Variants in FCRLA observed in about 807,000 individuals in gnomAD.
FCRLA encodes Fc receptor-like A.
Under a neutral mutation model 28.4 loss-of-function variants are expected in FCRLA, and 26 were observed. That is an observed-to-expected ratio of 0.91 (90% CI 0.67 to 1.27). The LOEUF (loss-of-function observed/expected upper bound fraction) is 1.27, where lower values mean the gene tolerates loss of function less well. FCRLA is among the 50% of genes most tolerant of loss of function. The pLI is 0.00. For missense variants in FCRLA, 422 were observed against 433.1 expected, an observed-to-expected ratio of 0.97 and a Z score of 0.23; for synonymous variants, 174 against 168.5, an observed-to-expected ratio of 1.03 and a Z score of -0.25.
intron 4 of FCRLA, among the ~76,000 whole-genome samples, chr1:161,712,466 A>G (rs1405760848): frequency 6.6e-6 from 1 of 152,122 alleles, no homozygotes; most frequent in Non-Finnish European, 1.5e-5. Flanking sequence ...GCTGCCCCAC[A>G]AGCCTTAGCA....
intron 1 of FCRLA, among the ~76,000 whole-genome samples, chr1:161,708,024 TAA>T (rs1682910054): frequency 6.6e-6 from 1 of 152,216 alleles, no homozygotes; most frequent in Non-Finnish European, 1.5e-5. Context: ...ACTCTGTATT[TAA>T]GAGTCCCAAA....
In FCRLA at chr1:161,707,329, C is replaced by T. The variant is rs762048598; in HGVS notation, c.65C>T (p.Ala22Val). 2 of 1,599,724 alleles carry T rather than the reference C, an allele frequency of 1.3e-6. No homozygotes were observed. Among genetic ancestry groups the T allele is most frequent in the Non-Finnish European group, 1.7e-6 (2 of 1,175,006 alleles). Residue 22 changes from alanine to valine, a missense_variant, in exon 1 of 5, where the codon GCC (alanine) becomes GTC (valine). By Grantham distance (64) the Ala-to-Val change is moderately conservative (BLOSUM62 0). Transcript: ENST00000236938. ...CTTTCCCTTGGTGTGCTCTGGGTGG[C>T]CCAGATGCTACTGGGTAAGTAAAAT... ...LYLSLGVLWV[A>V]QMLLAASFET...
At chr1:161,707,424 G>A (rs771092708) in intron 1 of FCRLA, 81 bp downstream of exon 1, 1 of 1,450,354 alleles carries the variant, frequency 6.9e-7, no homozygotes. Context: ...AAGAAACATG[G>A]ACTAATTCTG....
rs1393489310 is a variant in FCRLA at position 161,712,183 on chromosome 1, G to A, written c.749G>A (p.Trp250Ter). ...CEAATEDNQV[W>*]KQSPQLEIRV... is the part of the protein sequence containing the mutation. ...GCAGCCACTGAGGACAACCAAGTTT[G>A]GAAACAGAGCCCCCAGCTAGAGATC... Residue 250 changes from tryptophan (W) to a stop codon, truncating the protein, a stop_gained, in exon 4 of 5, where the codon TGG (tryptophan) becomes TAG (stop). Transcript: ENST00000236938. LOFTEE classifies it low-confidence loss of function (END_TRUNC). 1.9e-6 allele frequency: 3 copies of A among 1,613,988 alleles called. No homozygotes were observed. The highest frequency in any genetic ancestry group is 2.5e-6 in the Non-Finnish European group (3 of 1,179,936).
chr1:161,711,532 C>A, intron 3 of FCRLA, 58 bp downstream of exon 3: 1 of 1,550,660 alleles, frequency 6.4e-7, no homozygotes, highest in African/African-American at 1.4e-5. Flanking sequence ...ACAGGGAGCC[C>A]AAATTGTCTT....
intron 1 of FCRLA, chr1:161,710,383 G>C: frequency 8.2e-7 from 1 of 1,222,002 alleles, no homozygotes; most frequent in Non-Finnish European, 1.2e-6. Context: ...GGCACCCAGT[G>C]AACATTAGAA....
intron 1 of FCRLA, among the ~76,000 whole-genome samples, chr1:161,707,546 C>T (rs1329828477): frequency 6.6e-6 from 1 of 152,146 alleles, no homozygotes; most frequent in Non-Finnish European, 1.5e-5. Context: ...CTGAAAGTCC[C>T]CTCTGATCAT....
At chr1:161,711,839 GA>G in intron 3 of FCRLA, 94 bp from the exon 4 acceptor site, 1 of 1,407,824 alleles carries the variant, frequency 7.1e-7, no homozygotes, top group Non-Finnish European at 9.6e-7. Flanking sequence ...GGAAACAGGG[GA>G]AAGGAAGTAT....
chr1:161,711,255 C>A lies in FCRLA; in HGVS notation c.280C>A (p.Leu94Met). Reference protein sequence around the residue: ...GPAKPVFEGDLLVLRCQAWQD... With the variant: ...GPAKPVFEGDMLVLRCQAWQD... The stretch of plus-strand genomic sequence containing the variant: ...AGCCAAGCCAGTTTTTGAAGGGGAC[C>A]TGCTGGTTCTGCGCTGCCAGGCCTG... The change falls in exon 3 of 5, where the codon CTG (leucine) becomes ATG (methionine). Residue 94 changes from leucine to methionine, a missense_variant. Coordinates refer to ENST00000236938, the MANE Select transcript of FCRLA (RefSeq NM_032738.4). 6.2e-7 allele frequency: 1 copy of A among 1,614,178 alleles called. No individual in the cohort carries two copies. The highest frequency in any genetic ancestry group is 8.5e-7 in the Non-Finnish European group (1 of 1,180,024).
chr1:161,713,132 A>G lies in FCRLA; in HGVS notation c.832A>G (p.Lys278Glu), dbSNP rs1481756741. The G allele has an allele frequency of 1.2e-6, 2 of 1,614,102 alleles. No individual in the cohort carries two copies. The highest frequency in any genetic ancestry group is 4.5e-5 in the East Asian group (2 of 44,884). The change falls in exon 5 of 5, where the codon AAA becomes GAA. Residue 278 changes from lysine to glutamate, a missense_variant. Transcript: ENST00000236938. ...TCCCACATTGAATCCAGCTCCTCAGAAATCAGCTGCTCCAGGAACTGCTCC... is the reference window on the plus strand; with the variant it reads ...TCCCACATTGAATCCAGCTCCTCAGGAATCAGCTGCTCCAGGAACTGCTCC... ...APPTLNPAPQ[K>E]SAAPGTAPEE...
Position 161,713,596 on chromosome 1 carries a change from GC to G in FCRLA, c.*217del. 2.0e-6 allele frequency: 1 copy of G among 493,304 alleles called. No homozygotes were observed. Among genetic ancestry groups the G allele is most frequent in the Non-Finnish European group, 3.6e-6 (1 of 280,406 alleles). The allele number at this position is 493,304 out of a possible 1,614,324, so 30.6% of individuals were successfully genotyped here. A position where few individuals can be genotyped will look rare whatever the true frequency, so the allele number is the denominator to read the frequency against. The stretch of plus-strand genomic sequence containing the variant: ...TTCTCTCTTAACACAACAGAATTCT[GC>G]TGTCTAGATCAGGAATTTCTATCTG... On this transcript the variant is annotated 3_prime_UTR_variant, in exon 5 of 5. Coordinates refer to ENST00000236938, the MANE Select transcript of FCRLA (RefSeq NM_032738.4).
At position 161,710,320 on chromosome 1, in the gene FCRLA, G is replaced by C. The variant is rs551679185; in HGVS notation, c.80-440G>C. 4.0e-5 allele frequency: 27 copies of C among 675,692 alleles called. No homozygotes were observed. In the South Asian group the frequency reaches 4.3e-4, roughly 11 times the overall value. 41.9% of individuals were successfully genotyped at this position (675,692 alleles called of 1,614,324 possible). A position where few individuals can be genotyped will look rare whatever the true frequency, so the allele number is the denominator to read the frequency against. On this transcript the variant is annotated intron_variant, in intron 1 of 4. Coordinates refer to ENST00000236938, the MANE Select transcript of FCRLA (RefSeq NM_032738.4). The stretch of plus-strand genomic sequence containing the variant: ...AAAATGAGGATAAAGTCACCTACCT[G>C]GAAAGTTTGTGAGGATGAAGTTAGA...
At chr1:161,708,739 A>G (rs1032791141) in intron 1 of FCRLA, among the ~76,000 whole-genome samples, 1 of 152,202 alleles carries the variant, frequency 6.6e-6, no homozygotes, top group African/African-American at 2.4e-5. Context: ...GTACCCCTAA[A>G]GACTCAGCTT....
intron 1 of FCRLA, among the ~76,000 whole-genome samples, chr1:161,709,790 C>T (rs1475100646): frequency 6.6e-6 from 1 of 152,078 alleles, no homozygotes; most frequent in Non-Finnish European, 1.5e-5. Flanking sequence ...AATGTCACTT[C>T]CCTTGCCTAG....
chr1:161,709,928 G>C (rs1008101224), intron 1 of FCRLA, among the ~76,000 whole-genome samples: 4 of 152,150 alleles, frequency 2.6e-5, no homozygotes, highest in Non-Finnish European at 4.4e-5. Flanking sequence ...AAAAAAGACA[G>C]AGAAAGCTCT....
Position 161,710,467 on chromosome 1 carries a change from C to T in FCRLA, c.80-293C>T, listed in dbSNP as rs773563201. Reference sequence around the variant, plus strand: ...ACCATTGTCTTTGCTCCTGGTTTCCCGTACCAGCAGCTGGATGTCATGCCG... The same window carrying T: ...ACCATTGTCTTTGCTCCTGGTTTCCTGTACCAGCAGCTGGATGTCATGCCG... On this transcript the variant is annotated intron_variant, in intron 1 of 4. Coordinates refer to ENST00000236938, the MANE Select transcript of FCRLA (RefSeq NM_032738.4). The T allele has an allele frequency of 5.1e-5, 79 of 1,550,648 alleles. No individual in the cohort carries two copies. In the South Asian group the frequency reaches 5.6e-4, roughly 11 times the overall value.
At chr1:161,710,933 G>A (rs1683069487) in intron 2 of FCRLA, 21 bp downstream of exon 2, 2 of 1,611,530 alleles carry the variant, frequency 1.2e-6, no homozygotes, top group East Asian at 2.2e-5. Flanking sequence ...GGGAAGGCCT[G>A]AGCAGTGCCC....
At chr1:161,710,697 C>CT in intron 1 of FCRLA, 63 bp from the exon 2 acceptor site, 1 of 1,595,590 alleles carries the variant, frequency 6.3e-7, no homozygotes, top group Non-Finnish European at 8.6e-7. Flanking sequence ...TGGAGGAACC[C>CT]TGTCCTCTTT....
chr1:161,710,520 C>T (rs1397565866), intron 1 of FCRLA: 1 of 1,549,918 alleles, frequency 6.5e-7, no homozygotes, highest in Non-Finnish European at 8.7e-7. Context: ...TTCATTCTCT[C>T]CCCTCCCTCT....
Sources: gnomAD v4.1 joint callset for allele counts (sites outside exome capture counted in the v4.1 genomes callset) on GRCh38, gnomAD v4.1.1 for gene constraint, MANE v1.5 for transcripts, NCBI Gene and HGNC (gene_info 2026-07-23, HGNC 2026-07-21) for gene names.